Variants in PALS2 observed in about 807,000 individuals in gnomAD.
PALS2 encodes the protein protein associated with LIN7 2, MAGUK p55 family member, also known as protein PALS2.
PALS2 carries 27 observed loss-of-function variants against 61.6 expected under a neutral mutation model. That is an observed-to-expected ratio of 0.44 (90% CI 0.32 to 0.60). PALS2 has a LOEUF of 0.60. Ranked by LOEUF, PALS2 falls within the 20% of genes least tolerant of loss-of-function variation. The pLI is 0.05. For missense variants in PALS2, 554 were observed against 639.4 expected (o/e 0.87, Z 1.44); for synonymous variants, 236 against 218.6 (o/e 1.08, Z -0.70).
At chr7:24,626,094 T>G (rs1247955343) in intron 2 of PALS2, among the ~76,000 whole-genome samples, 4 of 152,150 alleles carry the variant, frequency 2.6e-5, no homozygotes. Context: ...TGAAAATAAC[T>G]TATTAATGTA....
chr7:24,627,928 C>G (rs969151288), intron 2 of PALS2, among the ~76,000 whole-genome samples: 1 of 152,194 alleles, frequency 6.6e-6, no homozygotes, highest in African/African-American at 2.4e-5. Context: ...CAGCCAGATT[C>G]TACCAGAGAT....
intron 5 of PALS2, among the ~76,000 whole-genome samples, chr7:24,656,496 A>C (rs1474291055): frequency 6.6e-6 from 1 of 151,912 alleles, no homozygotes. Context: ...GATGATGAAC[A>C]CTCCCAGAAA....
chr7:24,672,328 A>G (rs970659282), intron 9 of PALS2, among the ~76,000 whole-genome samples: 19 of 151,690 alleles, frequency 1.3e-4, no homozygotes, highest in African/African-American at 4.6e-4. Context: ...CCTGGATTCA[A>G]GCCATTCTCC....
chr7:24,615,728 G>A (rs1784272742), intron 1 of PALS2, among the ~76,000 whole-genome samples: 1 of 151,964 alleles, frequency 6.6e-6, no homozygotes, highest in Non-Finnish European at 1.5e-5. Flanking sequence ...AAATAACCCT[G>A]ATACCAAAAC....
At chr7:24,586,044 A>G (rs1036004259) in intron 1 of PALS2, among the ~76,000 whole-genome samples, 3 of 152,302 alleles carry the variant, frequency 2.0e-5, no homozygotes, top group African/African-American at 7.2e-5. Flanking sequence ...CTGTTTATAT[A>G]TGTATATACT....
intron 9 of PALS2, among the ~76,000 whole-genome samples, chr7:24,677,600 A>G (rs1042723481): frequency 1.3e-5 from 2 of 152,172 alleles, no homozygotes; most frequent in East Asian, 3.9e-4. Flanking sequence ...GAATTTTGTC[A>G]AAGGCCTTTT....
chr7:24,634,909 A>T (rs1024811137), intron 2 of PALS2, among the ~76,000 whole-genome samples: 1 of 152,150 alleles, frequency 6.6e-6, no homozygotes, highest in African/African-American at 2.4e-5. Context: ...TTATTTTTTT[A>T]CTTTCAATTC....
At chr7:24,584,340 T>G (rs1223346624) in intron 1 of PALS2, among the ~76,000 whole-genome samples, 1 of 149,038 alleles carries the variant, frequency 6.7e-6, no homozygotes, top group African/African-American at 2.5e-5. Flanking sequence ...CCTGACTTTT[T>G]AATGATTGCC....
At position 24,676,443 on chromosome 7, in the gene PALS2, G is replaced by C. The variant is rs541596800; in HGVS notation, c.1115-2688G>C. Reference sequence around the variant, plus strand: ...GCTTTTGGTGTTTTAGACATGAAGTGCTTGCCCATGCCTGTGTCCTGAATG... The same window carrying C: ...GCTTTTGGTGTTTTAGACATGAAGTCCTTGCCCATGCCTGTGTCCTGAATG... On this transcript the variant is annotated intron_variant, in intron 9 of 11. Coordinates refer to ENST00000222644, the MANE Select transcript of PALS2 (RefSeq NM_001303037.2). 2.4e-3 allele frequency among the ~76,000 whole-genome samples: 360 copies of C among 152,038 alleles called. 2 individuals are homozygous for C. Among genetic ancestry groups the C allele is most frequent in the African/African-American group, 8.1e-3 (336 of 41,412 alleles).
chr7:24,666,721 G>T (rs1421992575), intron 8 of PALS2: 1 of 152,072 alleles, frequency 6.6e-6, no homozygotes, highest in Non-Finnish European at 1.5e-5. Flanking sequence ...CTGTTTGTCA[G>T]TTGTACCTCA....
rs1784359745 is a variant in PALS2 at position 24,618,128 on chromosome 7, C to T, written c.-2-5538C>T. 6.6e-6 allele frequency among the ~76,000 whole-genome samples: 1 copy of T among 152,142 alleles called. No homozygotes were observed. The highest frequency in any genetic ancestry group is 1.5e-5 in the Non-Finnish European group (1 of 68,034). ...CTAGCCTGCCAGGCTGTTTTTCAGG[C>T]TCAGGACATGGGTGTGCAACTACCC... On this transcript the variant is annotated intron_variant, in intron 1 of 11. Transcript: ENST00000222644. This position sits in a 1 kb window ranked among gnomAD's most constrained non-coding sequence, Gnocchi z 5.1.
At chr7:24,582,356 C>G (rs1782877856) in intron 1 of PALS2, among the ~76,000 whole-genome samples, 2 of 152,174 alleles carry the variant, frequency 1.3e-5, no homozygotes, top group Non-Finnish European at 2.9e-5. Flanking sequence ...CTCATTTGAA[C>G]AGCATCCAAT....
intron 9 of PALS2, among the ~76,000 whole-genome samples, chr7:24,673,845 T>G (rs1194677953): frequency 1.3e-5 from 2 of 152,124 alleles, no homozygotes; most frequent in African/African-American, 4.8e-5. Context: ...ACTCTCTGTT[T>G]TTTTAGATAG....
chr7:24,630,162 T>G (rs1008790546), intron 2 of PALS2, among the ~76,000 whole-genome samples: 5 of 152,080 alleles, frequency 3.3e-5, no homozygotes, highest in Admixed American at 1.3e-4. Flanking sequence ...AAATGATGAG[T>G]TCACGTCCTT....
At chr7:24,586,068 TA>T (rs1305988828) in intron 1 of PALS2, among the ~76,000 whole-genome samples, 1 of 152,154 alleles carries the variant, frequency 6.6e-6, no homozygotes, top group African/African-American at 2.4e-5. Flanking sequence ...ATTACACAAA[TA>T]AAAAGATTAT....
At chr7:24,649,194 G>A (rs1229567202) in intron 3 of PALS2, among the ~76,000 whole-genome samples, 1 of 152,000 alleles carries the variant, frequency 6.6e-6, no homozygotes, top group Non-Finnish European at 1.5e-5. Flanking sequence ...ACATAGCAAT[G>A]TTAGGTAAAA....
intron 1 of PALS2, among the ~76,000 whole-genome samples, chr7:24,581,122 A>G (rs1439443470): frequency 6.6e-6 from 1 of 152,116 alleles, no homozygotes; most frequent in Non-Finnish European, 1.5e-5. Context: ...TCTAAGGGAG[A>G]ACTTACTTGT....
intron 1 of PALS2, among the ~76,000 whole-genome samples, chr7:24,575,817 G>A (rs1460430100): frequency 6.6e-6 from 1 of 152,182 alleles, no homozygotes; most frequent in African/African-American, 2.4e-5. Flanking sequence ...GTAAGAGGAC[G>A]CATTTATACT....
chr7:24,662,768 GAAAAA>G (rs59367702), intron 5 of PALS2, among the ~76,000 whole-genome samples: 1,411 of 102,432 alleles, frequency 0.014, 21 homozygotes, highest in African/African-American at 0.04. Context: ...GACTCCATCT[GAAAAA>G]AAAAAAAAAA....
Sources: gnomAD v4.1 joint callset for allele counts (sites outside exome capture counted in the v4.1 genomes callset) on GRCh38, gnomAD v4.1.1 for gene constraint, Gnocchi (gnomAD v3.1) non-coding constraint, MANE v1.5 for transcripts, NCBI Gene and HGNC (gene_info 2026-07-23, HGNC 2026-07-21) for gene names.